IL2RA: variants seen among roughly 807,000 people sequenced by gnomAD.
The protein encoded by IL2RA is interleukin 2 receptor subunit alpha.
IL2RA carries 24 observed loss-of-function variants against 37.8 expected under a neutral mutation model. That is an observed-to-expected ratio of 0.63 (90% CI 0.46 to 0.89). The LOEUF is 0.89. IL2RA is among the 40% of genes least tolerant of loss of function. The probability of loss-of-function intolerance (pLI) is 0.00; values close to 1 mark genes in which losing one functional copy is unlikely to be tolerated. For synonymous variants in IL2RA, 125 were observed against 114.6 expected, an observed-to-expected ratio of 1.09 and a Z score of -0.58; for missense variants, 319 against 348.6, an observed-to-expected ratio of 0.92 and a Z score of 0.68.
chr10:6,062,048 C>T, intron 1 of IL2RA, 40 bp downstream of exon 1: 1 of 1,551,042 alleles, frequency 6.4e-7, no homozygotes, highest in Non-Finnish European at 8.9e-7. Context: ...GGATGCCCAT[C>T]AGCCTTCCCG....
intron 1 of IL2RA, 119 bp downstream of exon 1, chr10:6,061,969 C>A: frequency 2.4e-6 from 2 of 832,542 alleles, no homozygotes; most frequent in Admixed American, 1.9e-5. Flanking sequence ...AGAGGTGGAA[C>A]CCAAGATTCA....
chr10:6,012,034 G>T lies in IL2RA; in HGVS notation c.*838C>A, dbSNP rs531419003. 2.0e-5 allele frequency: 3 copies of T among 152,444 alleles called. No homozygotes were observed. In the East Asian group the frequency reaches 5.6e-4, roughly 29 times the overall value. The allele number at this position is 152,444 out of a possible 1,614,324, so 9.4% of individuals were successfully genotyped here. Reference sequence around the variant, plus strand: ...GTCCACCTGTAAACATCAAATTAGTGCAGGCCAAATTCAGGGTATCATTCA... The same window carrying T: ...GTCCACCTGTAAACATCAAATTAGTTCAGGCCAAATTCAGGGTATCATTCA... On this transcript the variant is annotated 3_prime_UTR_variant, in exon 8 of 8. Coordinates refer to ENST00000379959, the MANE Select transcript of IL2RA (RefSeq NM_000417.3). The surrounding 1 kb of genome is among the most constrained non-coding windows in gnomAD (Gnocchi z 4.8).
chr10:6,051,526 CTT>C (rs1312667850), intron 1 of IL2RA, among the ~76,000 whole-genome samples: 8 of 117,122 alleles, frequency 6.8e-5, no homozygotes, highest in Admixed American at 8.3e-5. Flanking sequence ...TATTTTTTTT[CTT>C]TTTTTTTTTG....
In IL2RA at chr10:6,044,258, C is replaced by G. The variant is rs1839816038; in HGVS notation, c.64+17830G>C. 6.6e-6 allele frequency among the ~76,000 whole-genome samples: 1 copy of G among 152,166 alleles called. No homozygotes were observed. The highest frequency in any genetic ancestry group is 2.4e-5 in the African/African-American group (1 of 41,418). On this transcript the variant is annotated intron_variant, in intron 1 of 7. Transcript: ENST00000379959. The surrounding 1 kb of genome is among the most constrained non-coding windows in gnomAD (Gnocchi z 4.5). Reference sequence around the variant, plus strand: ...GCCCAGGAAGGAATTCAGGGGCAAGCCAGTGGTAGAATAAAAGAAAACAGC... The same window carrying G: ...GCCCAGGAAGGAATTCAGGGGCAAGGCAGTGGTAGAATAAAAGAAAACAGC...
chr10:6,028,983 T>G lies in IL2RA; in HGVS notation c.65-2958A>C. 1.6e-5 allele frequency among the ~76,000 whole-genome samples: 2 copies of G among 127,894 alleles called. No homozygotes were observed. Among genetic ancestry groups the G allele is most frequent in the African/African-American group, 3.0e-5 (1 of 33,176 alleles). 83.9% of individuals were successfully genotyped at this position (127,894 alleles called of 152,430 possible). A position where few individuals can be genotyped will look rare whatever the true frequency, so the allele number is the denominator to read the frequency against. On this transcript the variant is annotated intron_variant, in intron 1 of 7. Transcript: ENST00000379959. This position sits in a 1 kb window ranked among gnomAD's most constrained non-coding sequence, Gnocchi z 4.1. ...GCCTGGGTTACAGAGTGAGTGAGAG[T>G]CTGTCTCAAAAAAAAAAAAAAAAGA...
intron 1 of IL2RA, among the ~76,000 whole-genome samples, chr10:6,027,411 G>T (rs947141562): frequency 1.3e-5 from 2 of 152,126 alleles, no homozygotes; most frequent in African/African-American, 4.8e-5. Context: ...ATTTAAATGG[G>T]CTCCATGGGC....
At chr10:6,042,147 G>GAAAAAAAAAAA (rs1564549478) in intron 1 of IL2RA, among the ~76,000 whole-genome samples, 1 of 1,208 alleles carries the variant, frequency 8.3e-4, no homozygotes, top group African/African-American at 2.2e-3. Flanking sequence ...AATGTATTAA[G>GAAAAAAAAAAA]CAAAAAAAAA....
rs1020008560 is a variant in IL2RA, at chr10:6,048,599, C to T, written c.64+13489G>A. ...GGGTCTGTGTTATTCCCATTTTATA[C>T]GAACAGAAGCTGAGGCCCACCGAGG... On this transcript the variant is annotated intron_variant, in intron 1 of 7. Coordinates refer to ENST00000379959, the MANE Select transcript of IL2RA (RefSeq NM_000417.3). This position sits in a 1 kb window ranked among gnomAD's most constrained non-coding sequence, Gnocchi z 5.3. Among the ~76,000 whole-genome samples, 10 of 152,320 alleles carry T rather than the reference C, an allele frequency of 6.6e-5. No homozygotes were observed. The highest frequency in any genetic ancestry group is 4.1e-4 in the South Asian group (2 of 4,830).
At chr10:6,032,648 G>A (rs182127196) in intron 1 of IL2RA, among the ~76,000 whole-genome samples, 24 of 149,876 alleles carry the variant, frequency 1.6e-4, no homozygotes, top group Non-Finnish European at 2.4e-4. Flanking sequence ...AGCCCAGATC[G>A]CGTCACTGCA....
rs1839660269 is a variant in IL2RA, at chr10:6,035,140, G to A, written c.65-9115C>T. On this transcript the variant is annotated intron_variant, in intron 1 of 7. Coordinates refer to ENST00000379959, the MANE Select transcript of IL2RA (RefSeq NM_000417.3). The surrounding 1 kb of genome is among the most constrained non-coding windows in gnomAD (Gnocchi z 5.4). ...TGGCACAGGGCTGAGAAGCAGTGGG[G>A]CTCCTGTCCACCCTGCCCAGCACCT... Among the ~76,000 whole-genome samples the A allele has an allele frequency of 6.6e-6, 1 of 152,148 alleles. No individual in the cohort carries two copies. The highest frequency in any genetic ancestry group is 1.5e-5 in the Non-Finnish European group (1 of 68,026).
At position 6,058,131 on chromosome 10, in the gene IL2RA, A is replaced by C. The variant is rs1051819952; in HGVS notation, c.64+3957T>G. Among the ~76,000 whole-genome samples the C allele has an allele frequency of 3.3e-5, 5 of 152,104 alleles. No individual in the cohort carries two copies. In the South Asian group the frequency reaches 8.3e-4, roughly 25 times the overall value. ...GACAGAGTGAGACCCTGTCTCAAAA[A>C]GGAAGAGAAAAAAAAATCACAAAGA... On this transcript the variant is annotated intron_variant, in intron 1 of 7. Transcript: ENST00000379959. The surrounding 1 kb of genome is among the most constrained non-coding windows in gnomAD (Gnocchi z 4.2).
Position 6,044,061 on chromosome 10 carries a change from A to G in IL2RA, c.64+18027T>C, listed in dbSNP as rs887908309. On this transcript the variant is annotated intron_variant, in intron 1 of 7. Coordinates refer to ENST00000379959, the MANE Select transcript of IL2RA (RefSeq NM_000417.3). This position sits in a 1 kb window ranked among gnomAD's most constrained non-coding sequence, Gnocchi z 4.5. ...TCAGTGGCAAGTCCACAGCGGGGAA[A>G]GTCTAACTCCCAATTTTATTTATGA... Among the ~76,000 whole-genome samples, 27 of 152,332 alleles carry G rather than the reference A, an allele frequency of 1.8e-4. No homozygotes were observed. The highest frequency in any genetic ancestry group is 1.2e-4 in the Non-Finnish European group (8 of 68,044).
chr10:6,026,542 C>A (rs1839486606), intron 1 of IL2RA, among the ~76,000 whole-genome samples: 1 of 152,212 alleles, frequency 6.6e-6, no homozygotes, highest in African/African-American at 2.4e-5. Context: ...ACCTGCCCAC[C>A]TCTGAGTTCA....
rs78728445 is a variant in IL2RA at position 6,056,311 on chromosome 10, A to G, written c.64+5777T>C. On this transcript the variant is annotated intron_variant, in intron 1 of 7. Coordinates refer to ENST00000379959, the MANE Select transcript of IL2RA (RefSeq NM_000417.3). The surrounding 1 kb of genome is among the most constrained non-coding windows in gnomAD (Gnocchi z 5.0). ...CATGCATGAATGGATGGATGAAGGA[A>G]TATCACTGAGAATTCATGTAAAGAT... is the stretch of plus-strand genomic sequence containing the variant. 6.6e-6 allele frequency among the ~76,000 whole-genome samples: 1 copy of G among 152,244 alleles called. No individual in the cohort carries two copies.
rs12722715 is a variant in IL2RA at position 6,012,549 on chromosome 10, A to C, written c.*323T>G. 34 of 460,336 alleles carry C rather than the reference A, an allele frequency of 7.4e-5. 2 individuals carry two copies. Among genetic ancestry groups the C allele is most frequent in the African/African-American group, 5.9e-4 (30 of 51,140 alleles). 28.5% of individuals were successfully genotyped at this position (460,336 alleles called of 1,614,324 possible). ...TTTATACTACATATAGGGTGGAGAG[A>C]GTTCCATACCATTCATGCTTTAATG... On this transcript the variant is annotated 3_prime_UTR_variant, in exon 8 of 8. Coordinates refer to ENST00000379959, the MANE Select transcript of IL2RA (RefSeq NM_000417.3). The surrounding 1 kb of genome is among the most constrained non-coding windows in gnomAD (Gnocchi z 4.8).
At chr10:6,061,691 A>G (rs911828154) in intron 1 of IL2RA, among the ~76,000 whole-genome samples, 2 of 152,240 alleles carry the variant, frequency 1.3e-5, no homozygotes, top group Admixed American at 6.5e-5. Context: ...ACCTGAACTT[A>G]AAGAGCTTCC....
chr10:6,044,150 G>C lies in IL2RA; in HGVS notation c.64+17938C>G, dbSNP rs1247033905. 6.6e-6 allele frequency among the ~76,000 whole-genome samples: 1 copy of C among 152,230 alleles called. No individual in the cohort carries two copies. Among genetic ancestry groups the C allele is most frequent in the Non-Finnish European group, 1.5e-5 (1 of 68,052 alleles). On this transcript the variant is annotated intron_variant, in intron 1 of 7. Coordinates refer to ENST00000379959, the MANE Select transcript of IL2RA (RefSeq NM_000417.3). The surrounding 1 kb of genome is among the most constrained non-coding windows in gnomAD (Gnocchi z 4.5). ...GAATTCAACACAATGATTAAGCCTAGAGCATCTTCCTAGAGAAGGTGGTAG... is the reference window on the plus strand; with the variant it reads ...GAATTCAACACAATGATTAAGCCTACAGCATCTTCCTAGAGAAGGTGGTAG...
At chr10:6,042,148 C>CAAAAAAAAAAAAAAA (rs57093239) in intron 1 of IL2RA, among the ~76,000 whole-genome samples, 1,105 of 54,120 alleles carry the variant, frequency 0.02, 366 homozygotes, top group African/African-American at 0.046. Context: ...ATGTATTAAG[C>CAAAAAAAAAAAAAAA]AAAAAAAAAA....
At position 6,018,201 on chromosome 10, in the gene IL2RA, G is replaced by A; in HGVS notation, c.728-82C>T. On this transcript the variant is annotated intron_variant, in intron 6 of 7. Transcript: ENST00000379959. This position sits in a 1 kb window ranked among gnomAD's most constrained non-coding sequence, Gnocchi z 5.1. ...AGGAGCCAGGGCCACAGGGCAGGCT[G>A]AGGACATCCCCAAAGAGCAAGGCGG... The A allele has an allele frequency of 4.7e-6, 5 of 1,066,898 alleles. No homozygotes were observed. The highest frequency in any genetic ancestry group is 2.6e-5 in the South Asian group (2 of 77,874). The allele number at this position is 1,066,898 out of a possible 1,614,324, so 66.1% of individuals were successfully genotyped here.
Sources: allele counts gnomAD v4.1 joint callset (sites outside exome capture counted in the v4.1 genomes callset), GRCh38; gene constraint gnomAD v4.1.1; non-coding constraint Gnocchi (gnomAD v3.1); transcripts MANE v1.5; gene names NCBI Gene and HGNC (gene_info 2026-07-23, HGNC 2026-07-21).